The following MYO5A variants were observed in gnomAD, a reference collection of about 807,000 sequenced individuals.
MYO5A encodes unconventional myosin-Va.
MYO5A carries 98 observed loss-of-function variants against 249.7 expected under a neutral mutation model. That is an observed-to-expected ratio of 0.39 (90% CI 0.33 to 0.46). The LOEUF is 0.46. Ranked by LOEUF, MYO5A falls within the 20% of genes least tolerant of loss-of-function variation. The pLI is 0.98. For missense variants in MYO5A, 1,696 were observed against 2,308.8 expected (o/e 0.73, Z 5.44); for synonymous variants, 778 against 810.6 (o/e 0.96, Z 0.68).
intron 1 of MYO5A, among the ~76,000 whole-genome samples, chr15:52,433,606 A>T (rs2075592088): frequency 6.6e-6 from 1 of 151,938 alleles, no homozygotes; most frequent in South Asian, 2.1e-4. Context: ...TTTTTAATAA[A>T]GATGGAGTTT....
chr15:52,519,693 T>C (rs1172433854), intron 1 of MYO5A, among the ~76,000 whole-genome samples: 1 of 151,606 alleles, frequency 6.6e-6, no homozygotes, highest in Non-Finnish European at 1.5e-5. Context: ...AATTTCAATT[T>C]CTAACATGCT....
intron 1 of MYO5A, among the ~76,000 whole-genome samples, chr15:52,440,662 G>C (rs1166084432): frequency 6.6e-6 from 1 of 152,202 alleles, no homozygotes; most frequent in Non-Finnish European, 1.5e-5. Context: ...TTGCTAACTT[G>C]TGTTTTGTCT....
Position 52,416,267 on chromosome 15 carries a change from C to A in MYO5A, c.490G>T (p.Glu164Ter). Reference sequence around the variant, plus strand: ...GAGACTGTTTTTCCTGCCCCAGACTCTCCACTTACGATGATGGACTGATTT... The same window carrying A: ...GAGACTGTTTTTCCTGCCCCAGACTATCCACTTACGATGATGGACTGATTT... The part of the protein sequence containing the change: ...ERNQSIIVSG[E>*]SGAGKTVSAK... Residue 164 changes from glutamate to a stop codon, truncating the protein, a stop_gained, in exon 5 of 42, where the codon GAG (glutamate) becomes TAG (stop). Coordinates refer to ENST00000399233, the MANE Select transcript of MYO5A (RefSeq NM_001382347.1). LOFTEE classifies it high-confidence loss of function. The A allele has an allele frequency of 6.2e-7, 1 of 1,614,008 alleles. No homozygotes were observed. The highest frequency in any genetic ancestry group is 8.5e-7 in the Non-Finnish European group (1 of 1,179,962).
At chr15:52,497,057 G>T (rs552317828) in intron 1 of MYO5A, among the ~76,000 whole-genome samples, 2 of 152,270 alleles carry the variant, frequency 1.3e-5, no homozygotes, top group South Asian at 4.1e-4. Context: ...CACCTCTCAG[G>T]CTCAAGCGAT....
At chr15:52,518,338 G>A (rs534709948) in intron 1 of MYO5A, among the ~76,000 whole-genome samples, 68 of 151,120 alleles carry the variant, frequency 4.5e-4, no homozygotes, top group Admixed American at 1.5e-3. Context: ...TTTTGGTCAA[G>A]GATGAAAAAA....
intron 1 of MYO5A, among the ~76,000 whole-genome samples, chr15:52,526,550 G>A (rs982153202): frequency 2.6e-5 from 4 of 151,990 alleles, no homozygotes; most frequent in Non-Finnish European, 5.9e-5. Flanking sequence ...TAGTAGAGAC[G>A]GGGTTTTGCC....
intron 4 of MYO5A, among the ~76,000 whole-genome samples, chr15:52,418,874 T>C (rs2043650607): frequency 6.6e-6 from 1 of 152,232 alleles, no homozygotes; most frequent in Non-Finnish European, 1.5e-5. Flanking sequence ...GTTTTCATTT[T>C]GTATGAAATG....
intron 28 of MYO5A, among the ~76,000 whole-genome samples, chr15:52,349,428 G>T (rs540745622): frequency 6.6e-6 from 1 of 152,036 alleles, no homozygotes; most frequent in Admixed American, 6.5e-5. Context: ...GATGGGACAC[G>T]AGTGCTACCA....
At chr15:52,490,822 A>C (rs2076920644) in intron 1 of MYO5A, among the ~76,000 whole-genome samples, 1 of 152,134 alleles carries the variant, frequency 6.6e-6, no homozygotes, top group Non-Finnish European at 1.5e-5. Flanking sequence ...CCTGGGCTCA[A>C]GCAATCCTCC....
chr15:52,482,454 G>C (rs2076734181), intron 1 of MYO5A, among the ~76,000 whole-genome samples: 1 of 152,136 alleles, frequency 6.6e-6, no homozygotes, highest in Non-Finnish European at 1.5e-5. Flanking sequence ...ACAACTCCAT[G>C]TTGAACATAT....
chr15:52,486,418 G>A (rs569092089), intron 1 of MYO5A, among the ~76,000 whole-genome samples: 8 of 152,290 alleles, frequency 5.3e-5, no homozygotes, highest in Non-Finnish European at 7.4e-5. Flanking sequence ...GTCTGGCCCC[G>A]ACTTTCATTC....
chr15:52,433,945 T>G (rs2075600023), intron 1 of MYO5A, among the ~76,000 whole-genome samples: 1 of 152,062 alleles, frequency 6.6e-6, no homozygotes, highest in Non-Finnish European at 1.5e-5. Context: ...TCAACAGCAC[T>G]GCCATCTTTT....
chr15:52,336,174 T>G (rs2039108812), intron 34 of MYO5A, among the ~76,000 whole-genome samples: 1 of 152,236 alleles, frequency 6.6e-6, no homozygotes, highest in South Asian at 2.1e-4. Flanking sequence ...ATCCACATTC[T>G]TAACTCCTAT....
chr15:52,439,023 G>A (rs1386439092), intron 1 of MYO5A, among the ~76,000 whole-genome samples: 2 of 152,230 alleles, frequency 1.3e-5, no homozygotes, highest in African/African-American at 2.4e-5. Flanking sequence ...GCCCGGGTTC[G>A]TCCTAATCGA....
intron 31 of MYO5A, 140 bp downstream of exon 31, chr15:52,342,976 AC>A (rs1421552389): frequency 1.4e-6 from 1 of 740,642 alleles, no homozygotes; most frequent in Non-Finnish European, 2.4e-6. Flanking sequence ...AAAGCTTTGA[AC>A]AAATAACACA....
At chr15:52,506,517 AC>A in intron 1 of MYO5A, among the ~76,000 whole-genome samples, 1 of 143,724 alleles carries the variant, frequency 7.0e-6, no homozygotes, top group Non-Finnish European at 1.5e-5. Flanking sequence ...ACAGAGTGAG[AC>A]CCTTTCTCAA....
At chr15:52,379,331 A>G (rs2041610041) in intron 18 of MYO5A, among the ~76,000 whole-genome samples, 1 of 152,220 alleles carries the variant, frequency 6.6e-6, no homozygotes, top group Non-Finnish European at 1.5e-5. Context: ...ATCACACAGC[A>G]TTTGGCCTGG....
intron 9 of MYO5A, among the ~76,000 whole-genome samples, chr15:52,402,656 C>A (rs2042814220): frequency 6.6e-6 from 1 of 152,006 alleles, no homozygotes; most frequent in Admixed American, 6.6e-5. Flanking sequence ...ATCAGCCTGG[C>A]CAACATGGTG....
chr15:52,446,654 A>G (rs1180376843), intron 1 of MYO5A, among the ~76,000 whole-genome samples: 3 of 152,236 alleles, frequency 2.0e-5, no homozygotes, highest in Non-Finnish European at 4.4e-5. Context: ...TAGAAAAGCC[A>G]CAGGCATTCA....
Sources: gnomAD v4.1 joint callset for allele counts (sites outside exome capture counted in the v4.1 genomes callset) on GRCh38, gnomAD v4.1.1 for gene constraint, MANE v1.5 for transcripts, NCBI Gene and HGNC (gene_info 2026-07-23, HGNC 2026-07-21) for gene names.